Variants in TECRL observed in about 807,000 individuals in gnomAD.
The protein encoded by TECRL is trans-2,3-enoyl-CoA reductase like.
A neutral mutation model predicts 52.8 loss-of-function variants in TECRL; 63 were observed. That is an observed-to-expected ratio of 1.19 (90% CI 0.97 to 1.47). TECRL has a LOEUF of 1.47. Among genes scored for constraint, TECRL ranks in the 40% most tolerant of loss-of-function variants. The pLI, the probability that TECRL is intolerant of heterozygous loss-of-function variation, is 0.00. For missense variants in TECRL, 482 were observed against 429.6 expected, an observed-to-expected ratio of 1.12 and a Z score of -1.08; for synonymous variants, 164 against 141.9, an observed-to-expected ratio of 1.16 and a Z score of -1.10.
At chr4:64,346,045 C>T (rs1273662449) in intron 2 of TECRL, among the ~76,000 whole-genome samples, 3 of 151,572 alleles carry the variant, frequency 2.0e-5, no homozygotes, top group South Asian at 4.2e-4. Flanking sequence ...CAAACACACA[C>T]AGGCTTACTT....
At chr4:64,352,528 G>A (rs1008613516) in intron 2 of TECRL, among the ~76,000 whole-genome samples, 22 of 152,220 alleles carry the variant, frequency 1.4e-4, no homozygotes, top group African/African-American at 4.6e-4. Context: ...TTTTCACCAA[G>A]TAAGAACAGT....
At chr4:64,312,176 T>C (rs1278857598) in intron 5 of TECRL, among the ~76,000 whole-genome samples, 1 of 152,164 alleles carries the variant, frequency 6.6e-6, no homozygotes. Flanking sequence ...TATAATATGA[T>C]TCAAAGCAAT....
In TECRL at chr4:64,300,951, TC is replaced by T. The variant is rs1374219598; in HGVS notation, c.731-935del. ...GTGATAAATAATACTGCTTTGAACA[TC>T]TTTACGTATAAATCTTTTACTAAAT... is the stretch of plus-strand genomic sequence containing the variant. On this transcript the variant is annotated intron_variant, in intron 7 of 11. Transcript: ENST00000381210. Among the ~76,000 whole-genome samples, 3 of 150,998 alleles carry T rather than the reference TC, an allele frequency of 2.0e-5. No individual in the cohort carries two copies. The Admixed American group carries it at 2.0e-4, about 10-fold the overall frequency.
At chr4:64,298,132 T>A (rs1213722837) in intron 8 of TECRL, among the ~76,000 whole-genome samples, 1 of 151,190 alleles carries the variant, frequency 6.6e-6, no homozygotes, top group Non-Finnish European at 1.5e-5. Context: ...AAAAAATATT[T>A]AAATCTAAAG....
intron 9 of TECRL, among the ~76,000 whole-genome samples, chr4:64,287,396 T>C (rs1187710027): frequency 6.6e-6 from 1 of 152,160 alleles, no homozygotes; most frequent in African/African-American, 2.4e-5. Context: ...TTCTGGAAAA[T>C]GTTTTATATG....
At chr4:64,406,224 T>C (rs1179494806) in intron 1 of TECRL, among the ~76,000 whole-genome samples, 2 of 151,714 alleles carry the variant, frequency 1.3e-5, no homozygotes, top group African/African-American at 4.8e-5. Flanking sequence ...TATATTTTCT[T>C]TCATCCTAGG....
intron 1 of TECRL, among the ~76,000 whole-genome samples, chr4:64,386,239 A>C (rs1723172329): frequency 6.6e-6 from 1 of 152,212 alleles, no homozygotes; most frequent in Non-Finnish European, 1.5e-5. Context: ...TATAATATGT[A>C]TTATATATGG....
At chr4:64,276,449 TA>T (rs1210048071), downstream of TECRL, 1 of 151,934 alleles carries the variant, frequency 6.6e-6, no homozygotes, top group Non-Finnish European at 1.5e-5. Flanking sequence ...TGTGTGTATA[TA>T]TTTTTCTGCA....
At chr4:64,283,787 T>G (rs1722946670) in intron 9 of TECRL, among the ~76,000 whole-genome samples, 1 of 152,118 alleles carries the variant, frequency 6.6e-6, no homozygotes, top group Non-Finnish European at 1.5e-5. Flanking sequence ...AATCTTGGAA[T>G]ATCTAGGTTT....
intron 4 of TECRL, among the ~76,000 whole-genome samples, chr4:64,319,786 G>A (rs1045240946): frequency 6.6e-6 from 1 of 151,764 alleles, no homozygotes; most frequent in Non-Finnish European, 1.5e-5. Context: ...ACCAATTATT[G>A]ATACAAACAA....
In TECRL at chr4:64,360,909, C is replaced by G. The variant is rs181694500; in HGVS notation, c.286+14263G>C. Among the ~76,000 whole-genome samples, 188 of 152,288 alleles carry G rather than the reference C, an allele frequency of 1.2e-3. 1 individual carries two copies. The highest frequency in any genetic ancestry group is 4.4e-3 in the African/African-American group (183 of 41,568). On this transcript the variant is annotated intron_variant, in intron 2 of 11. Coordinates refer to ENST00000381210, the MANE Select transcript of TECRL (RefSeq NM_001010874.5). ...ACAGAACTCCAGCCTGCATAGGGCG[C>G]AGAAGGTTTGGTGCAGGAACAGGCA...
At chr4:64,333,897 G>A (rs1718838000) in intron 2 of TECRL, among the ~76,000 whole-genome samples, 1 of 141,718 alleles carries the variant, frequency 7.1e-6, no homozygotes, top group Admixed American at 7.0e-5. Flanking sequence ...GGTGGCGGGC[G>A]CCTGTAGTCC....
At chr4:64,367,904 G>C (rs998345169) in intron 2 of TECRL, among the ~76,000 whole-genome samples, 1 of 151,994 alleles carries the variant, frequency 6.6e-6, no homozygotes, top group African/African-American at 2.4e-5. Flanking sequence ...CTCAACTGTG[G>C]GAAGGGAGTT....
chr4:64,409,080 T>C (rs906404952), intron 1 of TECRL, 38 bp downstream of exon 1: 1 of 1,442,542 alleles, frequency 6.9e-7, no homozygotes, highest in Non-Finnish European at 9.4e-7. Flanking sequence ...GAAGAAACAC[T>C]TAAACAAACA....
At chr4:64,336,598 T>C (rs1216150922) in intron 2 of TECRL, among the ~76,000 whole-genome samples, 1 of 152,232 alleles carries the variant, frequency 6.6e-6, no homozygotes, top group African/African-American at 2.4e-5. Flanking sequence ...AATTGTGATG[T>C]TAGGGTGTCA....
In TECRL at chr4:64,300,835, C is replaced by T. The variant is rs371632261; in HGVS notation, c.731-818G>A. 9.3e-5 allele frequency among the ~76,000 whole-genome samples: 14 copies of T among 150,918 alleles called. No homozygotes were observed. In the South Asian group the frequency reaches 2.3e-3, roughly 25 times the overall value. ...TAGTATTAAACACTCATTGTCATAA[C>T]GGTAATTGAATCTTCATAATAATGC... is the stretch of plus-strand genomic sequence containing the variant. On this transcript the variant is annotated intron_variant, in intron 7 of 11. Transcript: ENST00000381210.
intron 9 of TECRL, among the ~76,000 whole-genome samples, chr4:64,287,901 C>G (rs1723161456): frequency 6.6e-6 from 1 of 152,080 alleles, no homozygotes; most frequent in Non-Finnish European, 1.5e-5. Flanking sequence ...AATCCCAGCA[C>G]TTTGGGAGGC....
At chr4:64,352,430 G>A (rs1006292866) in intron 2 of TECRL, among the ~76,000 whole-genome samples, 1 of 152,160 alleles carries the variant, frequency 6.6e-6, no homozygotes, top group Non-Finnish European at 1.5e-5. Context: ...GATAGAGATA[G>A]TATCTAAATT....
At chr4:64,288,235 A>T (rs191181865) in intron 9 of TECRL, among the ~76,000 whole-genome samples, 4 of 152,254 alleles carry the variant, frequency 2.6e-5, no homozygotes, top group Non-Finnish European at 4.4e-5. Context: ...TTGGCCCAAG[A>T]ACCGCTAATG....
Sources: gnomAD v4.1 joint callset for allele counts (sites outside exome capture counted in the v4.1 genomes callset) on GRCh38, gnomAD v4.1.1 for gene constraint, MANE v1.5 for transcripts, NCBI Gene and HGNC (gene_info 2026-07-23, HGNC 2026-07-21) for gene names.